The following RAB34 variants were observed in gnomAD, a reference collection of about 807,000 sequenced individuals.
RAB34 encodes the protein RAB34, member RAS oncogene family.
A neutral mutation model predicts 39.0 loss-of-function variants in RAB34; 33 were observed. The observed-to-expected ratio is 0.85, with a 90% CI of 0.64 to 1.13. The LOEUF (loss-of-function observed/expected upper bound fraction) is 1.13, where lower values mean the gene tolerates loss of function less well. Among genes scored for constraint, RAB34 ranks in the 50% most tolerant of loss-of-function variants. RAB34 has a pLI of 0.00. For missense variants in RAB34, 289 were observed against 326.1 expected, an observed-to-expected ratio of 0.89 and a Z score of 0.88; for synonymous variants, 135 against 125.1, an observed-to-expected ratio of 1.08 and a Z score of -0.53.
chr17:28,716,095 G>C (rs758883616), intron 2 of RAB34, 37 bp from the exon 3 acceptor site: 4 of 1,612,862 alleles, frequency 2.5e-6, no homozygotes, highest in Non-Finnish European at 3.4e-6. Context: ...GAGTGGGCAC[G>C]AGCTCTTTCA....
chr17:28,718,071 T>C, upstream of RAB34: 1 of 1,539,274 alleles, frequency 6.5e-7, no homozygotes, highest in Non-Finnish European at 8.7e-7. Context: ...CTCCCCAGGC[T>C]GCTCTCCCCT....
At chr17:28,715,772 T>TAG (rs749905991) in intron 4 of RAB34, 28 bp downstream of exon 4, 2 of 1,611,376 alleles carry the variant, frequency 1.2e-6, no homozygotes, top group South Asian at 2.2e-5. Flanking sequence ...GGAGAAGGGA[T>TAG]AGCTGGAAGG....
At chr17:28,716,824 G>A in intron 2 of RAB34, 79 bp downstream of exon 2, 2 of 1,509,820 alleles carry the variant, frequency 1.3e-6, no homozygotes, top group Non-Finnish European at 1.8e-6. Flanking sequence ...GAAGCCCCAA[G>A]GGGGTGGTTG....
Position 28,717,827 on chromosome 17 carries a change from A to G in RAB34, c.-561T>C. On this transcript the variant is annotated 5_prime_UTR_variant, in exon 1 of 10. Transcript: ENST00000395245. ...GGGGCGAGGGGCCCAGTCCGGCTAC[A>G]GGGCCTCGAGTCCCACTCCGCTCGG... is the stretch of plus-strand genomic sequence containing the variant. The G allele has an allele frequency of 7.5e-7, 1 of 1,336,586 alleles. No homozygotes were observed. The highest frequency in any genetic ancestry group is 3.1e-5 in the East Asian group (1 of 32,254). 82.8% of individuals were successfully genotyped at this position (1,336,586 alleles called of 1,614,324 possible). A position where few individuals can be genotyped will look rare whatever the true frequency, so the allele number is the denominator to read the frequency against.
chr17:28,717,388 C>T lies in RAB34; in HGVS notation c.-122G>A. The T allele has an allele frequency of 6.6e-7, 1 of 1,523,916 alleles. No homozygotes were observed. The highest frequency in any genetic ancestry group is 8.8e-7 in the Non-Finnish European group (1 of 1,138,602). The allele number at this position is 1,523,916 out of a possible 1,614,324, so 94.4% of individuals were successfully genotyped here. The stretch of plus-strand genomic sequence containing the variant: ...GGGGTGTCCCGACTACAACTCGGGG[C>T]CACGGGGACCCTACGGGAGTCCGCG... On this transcript the variant is annotated 5_prime_UTR_variant, in exon 1 of 10. It introduces an in-frame stop codon into an upstream open reading frame of the 5' UTR. Transcript: ENST00000395245.
At chr17:28,718,199 G>C (rs145137552), upstream of RAB34, 2 of 1,606,356 alleles carry the variant, frequency 1.2e-6, no homozygotes, top group Non-Finnish European at 1.7e-6. Context: ...GGAGGGGAAA[G>C]GGGGAGAGAA....
At position 28,717,708 on chromosome 17, in the gene RAB34, T is replaced by C; in HGVS notation, c.-442A>G. 2 of 1,343,628 alleles carry C rather than the reference T, an allele frequency of 1.5e-6. No individual in the cohort carries two copies. The highest frequency in any genetic ancestry group is 9.5e-7 in the Non-Finnish European group (1 of 1,052,468). 83.2% of individuals were successfully genotyped at this position (1,343,628 alleles called of 1,614,324 possible). ...TCTCGGGGCTGAGGCTGCCCTACCA[T>C]TACAGAGCGGCCCGGGGGCGCGGAG... On this transcript the variant is annotated 5_prime_UTR_variant, in exon 1 of 10. It removes an upstream start codon present in the reference 5' UTR. Transcript: ENST00000395245.
intron 3 of RAB34, 42 bp from the exon 4 acceptor site, chr17:28,715,943 T>C: frequency 6.2e-7 from 1 of 1,613,116 alleles, no homozygotes; most frequent in South Asian, 1.1e-5. Context: ...CCAGCCCACC[T>C]GGCTAGGCTT....
Position 28,715,220 on chromosome 17 carries a change from A to C in RAB34, c.488T>G (p.Leu163Arg). ...ENDPSSVLLF[L>R]VGSKKDLSTP... Reference sequence around the variant, plus strand: ...ACTCAGATCCTTCTTGGAACCTACAAGGAAGAGAAGCACACTGGAAGGGTC... The same window carrying C: ...ACTCAGATCCTTCTTGGAACCTACACGGAAGAGAAGCACACTGGAAGGGTC... The change falls in exon 7 of 10, where the codon CTT becomes CGT. Residue 163 changes from leucine (L) to arginine (R), a missense_variant. Physicochemically the swap from Leu to Arg is moderately radical, Grantham distance 102. Coordinates refer to ENST00000395245, the MANE Select transcript of RAB34 (RefSeq NM_031934.6). The C allele has an allele frequency of 6.2e-7, 1 of 1,614,044 alleles. No individual in the cohort carries two copies. Among genetic ancestry groups the C allele is most frequent in the African/African-American group, 1.3e-5 (1 of 75,052 alleles).
At position 28,717,639 on chromosome 17, in the gene RAB34, G is replaced by T; in HGVS notation, c.-373C>A. 7.3e-7 allele frequency: 1 copy of T among 1,375,992 alleles called. No homozygotes were observed. 85.2% of individuals were successfully genotyped at this position (1,375,992 alleles called of 1,614,324 possible). ...ATAGTTCCTACGATTACGCGGGGCC[G>T]GATGGTTCCTACAATAACCCGGGGC... On this transcript the variant is annotated 5_prime_UTR_variant, in exon 1 of 10. Transcript: ENST00000395245.
rs746859387 is a variant in RAB34 at position 28,715,268 on chromosome 17, A to G, written c.440T>C (p.Leu147Pro). 1 of 1,613,414 alleles carries G rather than the reference A, an allele frequency of 6.2e-7. No individual in the cohort carries two copies. The highest frequency in any genetic ancestry group is 8.5e-7 in the Non-Finnish European group (1 of 1,179,834). The change falls in exon 7 of 10, where the codon CTG (leucine) becomes CCG (proline). Residue 147 changes from leucine to proline, a missense_variant. Transcript: ENST00000395245. ...VASLEHTKQWLADALKENDPS... is the reference protein window; with the variant it reads ...VASLEHTKQWPADALKENDPS... ...GTCATTCTCCTTCAGGGCATCGGCC[A>G]GCCACTGCCTGCCATGGGAGGTGGA...
chr17:28,715,860 A>G lies in RAB34; in HGVS notation c.254T>C (p.Ile85Thr), dbSNP rs750408092. Residue 85 changes from isoleucine (I) to threonine (T), a missense_variant, in exon 4 of 10, where the codon ATT (isoleucine) becomes ACT (threonine). Transcript: ENST00000395245. Reference sequence around the variant, plus strand: ...TCGTTCCATCTCGAAGTCCACTCCAATGGTGGCCTTGTAATTCTTATCAAA... The same window carrying G: ...TCGTTCCATCTCGAAGTCCACTCCAGTGGTGGCCTTGTAATTCTTATCAAA... ...DTFDKNYKAT[I>T]GVDFEMERFE... 17 of 1,613,846 alleles carry G rather than the reference A, an allele frequency of 1.1e-5. No individual in the cohort carries two copies. Among genetic ancestry groups the G allele is most frequent in the African/African-American group, 9.3e-5 (7 of 74,892 alleles).
Position 28,714,391 on chromosome 17 carries a change from C to G in RAB34, c.*252G>C. 1 of 645,954 alleles carries G rather than the reference C, an allele frequency of 1.5e-6. No homozygotes were observed. The highest frequency in any genetic ancestry group is 1.9e-5 in the South Asian group (1 of 53,892). The allele number at this position is 645,954 out of a possible 1,614,324, so 40.0% of individuals were successfully genotyped here. On this transcript the variant is annotated 3_prime_UTR_variant, in exon 10 of 10. Transcript: ENST00000395245. ...CAGGCTGAGCAAAAGAACAGAGACA[C>G]TCTCCCTCACTACCACTGGGCGCCC... is the stretch of plus-strand genomic sequence containing the variant.
chr17:28,715,707 T>TGGAA lies in RAB34; in HGVS notation c.315-6_315-3dup. The TGGAA allele has an allele frequency of 1.2e-6, 2 of 1,613,868 alleles. No homozygotes were observed. Among genetic ancestry groups the TGGAA allele is most frequent in the South Asian group, 1.1e-5 (1 of 91,064 alleles). On this transcript the variant is annotated splice_polypyrimidine_tract_variant and splice_region_variant and intron_variant, in intron 4 of 9. Transcript: ENST00000395245. ...CTCTCCTGCCCAGCGGTATCCCAAC[T>TGGAA]GGAAGGAAGGAAGAGTGAAGCACAG...
intron 6 of RAB34, 63 bp from the exon 7 acceptor site, chr17:28,715,339 A>G (rs934326836): frequency 6.3e-7 from 1 of 1,582,606 alleles, no homozygotes; most frequent in African/African-American, 1.3e-5. Flanking sequence ...ACTGACATTC[A>G]TAGGCCCAAT....
At chr17:28,714,741 G>A in intron 9 of RAB34, 31 bp from the exon 10 acceptor site, 1 of 1,614,058 alleles carries the variant, frequency 6.2e-7, no homozygotes, top group Non-Finnish European at 8.5e-7. Flanking sequence ...TGTGAAGCAG[G>A]GATTGGAGGC....
At chr17:28,716,578 C>A (rs2033474170) in intron 2 of RAB34, 1 of 302,862 alleles carries the variant, frequency 3.3e-6, no homozygotes, top group South Asian at 5.5e-5. Flanking sequence ...CAATAAGACT[C>A]ATCCCTGTAA....
upstream of RAB34, chr17:28,718,264 T>C: frequency 1.3e-6 from 2 of 1,548,460 alleles, no homozygotes; most frequent in Non-Finnish European, 8.7e-7. Context: ...GGGAGGTGAC[T>C]CATAGAGTCT....
chr17:28,716,930 C>A lies in RAB34; in HGVS notation c.119G>T (p.Cys40Phe). 6.2e-7 allele frequency: 1 copy of A among 1,613,404 alleles called. No homozygotes were observed. The change falls in exon 2 of 10, where the codon TGC becomes TTC. Residue 40 changes from cysteine to phenylalanine, a missense_variant. Transcript: ENST00000395245. The part of the protein sequence containing the change: ...KDFHPRVTCA[C>F]QEHRTGTVGF... ...CACGGTGCCTGTCCGGTGCTCCTGG[C>A]AGGCGCAGGTGACGCGGGGGTGGAA...
Sources: allele counts gnomAD v4.1 joint callset, GRCh38; gene constraint gnomAD v4.1.1; transcripts MANE v1.5; gene names NCBI Gene and HGNC (gene_info 2026-07-23, HGNC 2026-07-21).